The following USP14 variants were observed in gnomAD, a reference collection of about 807,000 sequenced individuals.
USP14 encodes ubiquitin specific peptidase 14.
In USP14, 38 loss-of-function variants were observed where a neutral mutation model predicts 76.5. The observed-to-expected ratio is 0.50, with a 90% CI of 0.38 to 0.65. The LOEUF (loss-of-function observed/expected upper bound fraction) is 0.65. Ranked by LOEUF, USP14 falls within the 30% of genes least tolerant of loss-of-function variation. USP14 has a pLI of 0.00. For synonymous variants in USP14, 192 were observed against 191.7 expected, an observed-to-expected ratio of 1.00 and a Z score of -0.01; for missense variants, 467 against 586.5, an observed-to-expected ratio of 0.80 and a Z score of 2.10.
At chr18:191,341 T>C (rs1382572661) in intron 5 of USP14, among the ~76,000 whole-genome samples, 2 of 152,142 alleles carry the variant, frequency 1.3e-5, no homozygotes, top group Non-Finnish European at 2.9e-5. Flanking sequence ...AATCCTTCAA[T>C]TGAGTACAAT....
At chr18:193,738 T>A (rs1178186710) in intron 6 of USP14, among the ~76,000 whole-genome samples, 1 of 152,246 alleles carries the variant, frequency 6.6e-6, no homozygotes, top group Non-Finnish European at 1.5e-5. Flanking sequence ...GTTTTCAGGA[T>A]TCATCCACAT....
chr18:203,190 G>A lies in USP14; in HGVS notation c.1035G>A (p.Lys345=). The stretch of plus-strand genomic sequence containing the variant: ...AATCTGTGAATGCCAAAGTTCTTAA[G>A]GTTAGTAATGAACTTTACTTTGTAT... ...EKESVNAKVL[K]DVKFPLMLDM... Residue 345 remains lysine (K), a splice_region_variant and synonymous_variant, in exon 12 of 16, where the codon AAG becomes AAA. Transcript: ENST00000261601. 1 of 1,610,286 alleles carries A rather than the reference G, an allele frequency of 6.2e-7. No homozygotes were observed. Among genetic ancestry groups the A allele is most frequent in the Non-Finnish European group, 8.5e-7 (1 of 1,177,698 alleles).
intron 13 of USP14, among the ~76,000 whole-genome samples, chr18:206,339 A>G (rs761536377): frequency 3.3e-5 from 5 of 152,098 alleles, no homozygotes; most frequent in Non-Finnish European, 4.4e-5. Context: ...TTTATTTGCT[A>G]TCTGTATATC....
chr18:165,720 A>G (rs1345572884), intron 2 of USP14, among the ~76,000 whole-genome samples: 1 of 152,156 alleles, frequency 6.6e-6, no homozygotes, highest in East Asian at 1.9e-4. Flanking sequence ...TTCACTTCCC[A>G]GTTTTGTGTG....
chr18:166,078 C>T (rs1034768330), intron 2 of USP14, among the ~76,000 whole-genome samples: 2 of 152,160 alleles, frequency 1.3e-5, no homozygotes, highest in African/African-American at 4.8e-5. Flanking sequence ...GCGTTATAGA[C>T]ATTAACTCTT....
At chr18:169,291 G>T (rs1015754449) in intron 3 of USP14, among the ~76,000 whole-genome samples, 4 of 150,024 alleles carry the variant, frequency 2.7e-5, no homozygotes. Flanking sequence ...ACTTTGGGAG[G>T]CGGAGGTTGC....
At chr18:165,784 G>C (rs1011669738) in intron 2 of USP14, among the ~76,000 whole-genome samples, 13 of 152,088 alleles carry the variant, frequency 8.5e-5, no homozygotes, top group African/African-American at 2.4e-4. Context: ...ATTATGTTTA[G>C]CAGTCATAGA....
intron 11 of USP14, 33 bp downstream of exon 11, chr18:202,978 C>T (rs758573068): frequency 9.3e-6 from 15 of 1,610,106 alleles, no homozygotes; most frequent in South Asian, 6.6e-5. Flanking sequence ...AGCCAAATTC[C>T]GCTTCACTGA....
intron 3 of USP14, among the ~76,000 whole-genome samples, chr18:171,930 G>A (rs1262528425): frequency 6.6e-6 from 1 of 152,140 alleles, no homozygotes; most frequent in Non-Finnish European, 1.5e-5. Context: ...CACATGTGGT[G>A]TAAATAGGAA....
intron 4 of USP14, among the ~76,000 whole-genome samples, chr18:179,521 A>AT (rs796745137): frequency 4.6e-4 from 67 of 145,056 alleles, no homozygotes; most frequent in Middle Eastern, 3.8e-3. Flanking sequence ...ACACGTGTCA[A>AT]TTTTTTTTTT....
chr18:178,890 C>A, intron 3 of USP14, 43 bp from the exon 4 acceptor site: 1 of 1,480,288 alleles, frequency 6.8e-7, no homozygotes, highest in Non-Finnish European at 9.3e-7. Context: ...TAAACATTAC[C>A]AACTTTTAAG....
chr18:204,755 T>G (rs1910481557), intron 13 of USP14, 63 bp downstream of exon 13: 2 of 1,561,474 alleles, frequency 1.3e-6, no homozygotes, highest in Non-Finnish European at 1.7e-6. Context: ...GCTCAGCAAT[T>G]ACTCTGTCTT....
At chr18:166,062 A>G (rs1909262782) in intron 2 of USP14, among the ~76,000 whole-genome samples, 1 of 152,204 alleles carries the variant, frequency 6.6e-6, no homozygotes, top group African/African-American at 2.4e-5. Flanking sequence ...TACTTGCTTT[A>G]TAGATGCGTT....
intron 1 of USP14, among the ~76,000 whole-genome samples, chr18:160,677 A>G (rs1461500892): frequency 1.3e-5 from 2 of 152,242 alleles, no homozygotes; most frequent in Non-Finnish European, 2.9e-5. Context: ...CAATAGCACA[A>G]TAAATTTCAG....
At chr18:204,284 C>T (rs1388733732) in intron 12 of USP14, among the ~76,000 whole-genome samples, 1 of 151,280 alleles carries the variant, frequency 6.6e-6, no homozygotes, top group East Asian at 1.9e-4. Context: ...TTTCTTTTCT[C>T]AGGTAAATTT....
intron 5 of USP14, among the ~76,000 whole-genome samples, chr18:192,540 G>A (rs1217689852): frequency 6.6e-6 from 1 of 152,044 alleles, no homozygotes; most frequent in Non-Finnish European, 1.5e-5. Flanking sequence ...ACTCCAACCT[G>A]GGCGACAAGA....
chr18:196,121 G>C (rs1374551275), intron 6 of USP14, among the ~76,000 whole-genome samples: 1 of 151,984 alleles, frequency 6.6e-6, no homozygotes, highest in Admixed American at 6.6e-5. Flanking sequence ...AGGAGTTCGA[G>C]ACCAGCCTGG....
intron 3 of USP14, among the ~76,000 whole-genome samples, chr18:168,402 T>G (rs1428128839): frequency 1.3e-5 from 2 of 152,290 alleles, no homozygotes; most frequent in East Asian, 3.9e-4. Flanking sequence ...ACTTTCAGAT[T>G]TCTTAAACTT....
At chr18:181,801 C>T (rs1187629857) in intron 5 of USP14, among the ~76,000 whole-genome samples, 1 of 151,932 alleles carries the variant, frequency 6.6e-6, no homozygotes, top group African/African-American at 2.4e-5. Flanking sequence ...AAGCCATTGT[C>T]TAATTCTAGG....
Sources: allele counts gnomAD v4.1 joint callset (sites outside exome capture counted in the v4.1 genomes callset), GRCh38; gene constraint gnomAD v4.1.1; transcripts MANE v1.5; gene names NCBI Gene and HGNC (gene_info 2026-07-23, HGNC 2026-07-21).